Variants in MCM9 observed in about 807,000 individuals in gnomAD.
MCM9 encodes the protein minichromosome maintenance 9 homologous recombination repair factor, also known as DNA helicase MCM9.
In MCM9, 55 loss-of-function variants were observed where a neutral mutation model predicts 72.8. That is an observed-to-expected ratio of 0.76 (90% CI 0.61 to 0.95). The LOEUF (loss-of-function observed/expected upper bound fraction) is 0.95. MCM9 is among the 40% of genes least tolerant of loss of function. The pLI is 0.00. For synonymous variants in MCM9, 480 were observed against 503.4 expected (o/e 0.95, Z 0.62); for missense variants, 1,279 against 1,377.0 (o/e 0.93, Z 1.13).
At chr6:118,894,175 G>C (rs1779174494) in intron 8 of MCM9, 1 of 1,285,990 alleles carries the variant, frequency 7.8e-7, no homozygotes, top group Non-Finnish European at 9.9e-7. Flanking sequence ...AGCCAATCGA[G>C]GGCAACGCTG....
At chr6:118,841,835 CTT>C (rs750136757) in intron 9 of MCM9, among the ~76,000 whole-genome samples, 22 of 134,648 alleles carry the variant, frequency 1.6e-4, no homozygotes, top group Admixed American at 1.5e-4. Flanking sequence ...GCTATCTTGC[CTT>C]TTTTTTTTTT....
intron 10 of MCM9, among the ~76,000 whole-genome samples, chr6:118,828,664 C>T (rs1478428292): frequency 1.3e-5 from 2 of 152,042 alleles, no homozygotes; most frequent in Non-Finnish European, 2.9e-5. Context: ...GGATTACAGG[C>T]GTGAGCCACC....
chr6:118,903,310 A>C (rs1779933066), intron 8 of MCM9, among the ~76,000 whole-genome samples: 1 of 151,960 alleles, frequency 6.6e-6, no homozygotes, highest in Non-Finnish European at 1.5e-5. Context: ...CTCTAAGACA[A>C]ACAGCATATT....
At chr6:118,933,266 G>A (rs1295384162) in intron 1 of MCM9, among the ~76,000 whole-genome samples, 6 of 152,046 alleles carry the variant, frequency 3.9e-5, no homozygotes, top group African/African-American at 1.4e-4. Flanking sequence ...TTGGGAGGCC[G>A]AGGCAGGTGG....
intron 2 of MCM9, 21 bp from the exon 3 acceptor site, chr6:118,931,759 C>CATATTAT (rs1194033795): frequency 6.6e-7 from 1 of 1,512,302 alleles, no homozygotes; most frequent in East Asian, 2.4e-5. Flanking sequence ...AAAAAAGGAT[C>CATATTAT]ATATTATATA....
At chr6:118,860,159 G>C (rs917376303) in intron 8 of MCM9, among the ~76,000 whole-genome samples, 3 of 152,172 alleles carry the variant, frequency 2.0e-5, no homozygotes, top group Non-Finnish European at 4.4e-5. Flanking sequence ...ATCGGATCTA[G>C]ATATGGCGGG....
At chr6:118,910,996 A>C (rs1780505988) in intron 8 of MCM9, 1 of 985,262 alleles carries the variant, frequency 1.0e-6, no homozygotes, top group Non-Finnish European at 1.2e-6. Context: ...AAGAACAGAA[A>C]CATTACCCAA....
chr6:118,907,320 A>G, intron 8 of MCM9: 5 of 991,006 alleles, frequency 5.0e-6, no homozygotes, highest in Non-Finnish European at 7.6e-6. Flanking sequence ...ACTAACATGA[A>G]CCATTTTATT....
At chr6:118,864,858 C>A (rs1777120583) in intron 8 of MCM9, among the ~76,000 whole-genome samples, 1 of 152,166 alleles carries the variant, frequency 6.6e-6, no homozygotes, top group Non-Finnish European at 1.5e-5. Flanking sequence ...AAGAGCAGTG[C>A]AGAGAAGGGG....
At chr6:118,860,377 A>G (rs1010061621) in intron 8 of MCM9, among the ~76,000 whole-genome samples, 1 of 152,146 alleles carries the variant, frequency 6.6e-6, no homozygotes, top group African/African-American at 2.4e-5. Context: ...GGCTGGACAC[A>G]TCTGAAGAAA....
intron 9 of MCM9, among the ~76,000 whole-genome samples, chr6:118,846,985 C>T (rs1775914099): frequency 6.6e-6 from 1 of 151,798 alleles, no homozygotes; most frequent in Non-Finnish European, 1.5e-5. Context: ...AAATCTGTAA[C>T]ACAGTGCCCT....
At chr6:118,838,157 T>C (rs1487035149) in intron 9 of MCM9, among the ~76,000 whole-genome samples, 2 of 147,174 alleles carry the variant, frequency 1.4e-5, no homozygotes, top group Non-Finnish European at 3.0e-5. Flanking sequence ...GGGTTGAAAA[T>C]TCTTTTTTTT....
At chr6:118,877,319 T>G (rs1777999640) in intron 8 of MCM9, among the ~76,000 whole-genome samples, 1 of 152,210 alleles carries the variant, frequency 6.6e-6, no homozygotes, top group Non-Finnish European at 1.5e-5. Context: ...AGTGGTCTCT[T>G]ACTCAGTACT....
chr6:118,869,462 T>C (rs1777439480), intron 8 of MCM9, among the ~76,000 whole-genome samples: 2 of 151,828 alleles, frequency 1.3e-5, no homozygotes, highest in African/African-American at 4.8e-5. Flanking sequence ...GTAAGTATAT[T>C]TTCTGTAAGC....
intron 3 of MCM9, among the ~76,000 whole-genome samples, chr6:118,930,103 A>ATTTTATTTTATTTTAT (rs4027511): frequency 4.1e-5 from 6 of 145,806 alleles, no homozygotes; most frequent in East Asian, 4.0e-4. Context: ...TTATTTATTT[A>ATTTTATTTTATTTTAT]TTTATTTTAT....
At chr6:118,878,199 G>C (rs937774096) in intron 8 of MCM9, among the ~76,000 whole-genome samples, 2 of 151,952 alleles carry the variant, frequency 1.3e-5, no homozygotes, top group Non-Finnish European at 2.9e-5. Context: ...GTATTGTACA[G>C]CTAAACACAA....
chr6:118,839,438 A>T, intron 9 of MCM9, among the ~76,000 whole-genome samples: 1 of 151,726 alleles, frequency 6.6e-6, no homozygotes, highest in Non-Finnish European at 1.5e-5. Flanking sequence ...AATTTATCAA[A>T]CTCATTCTCC....
chr6:118,885,126 G>A (rs1198927259), intron 8 of MCM9, among the ~76,000 whole-genome samples: 1 of 152,204 alleles, frequency 6.6e-6, no homozygotes. Flanking sequence ...AACCCGGGAG[G>A]CGGAGCTTAC....
intron 9 of MCM9, among the ~76,000 whole-genome samples, chr6:118,853,171 T>C (rs1340506193): frequency 6.6e-6 from 1 of 152,094 alleles, no homozygotes; most frequent in Admixed American, 6.5e-5. Flanking sequence ...TCTAGCACAA[T>C]TAAAAAAAAA....
Sources: allele counts gnomAD v4.1 joint callset (sites outside exome capture counted in the v4.1 genomes callset), GRCh38; gene constraint gnomAD v4.1.1; transcripts MANE v1.5; gene names NCBI Gene and HGNC (gene_info 2026-07-23, HGNC 2026-07-21).